XPO6: variants seen among roughly 807,000 people sequenced by gnomAD.
The protein encoded by XPO6 is exportin 6.
In XPO6, 3 loss-of-function variants were observed where a neutral mutation model predicts 130.0. The observed-to-expected ratio is 0.02, with a 90% CI of 0.01 to 0.06. XPO6 has a LOEUF of 0.06. Ranked by LOEUF, XPO6 falls within the 10% of genes least tolerant of loss-of-function variation. The probability of loss-of-function intolerance (pLI) is 1.00; values close to 1 mark genes in which losing one functional copy is unlikely to be tolerated. For missense variants in XPO6, 970 were observed against 1,393.0 expected, an observed-to-expected ratio of 0.70 and a Z score of 4.83; for synonymous variants, 524 against 548.9, an observed-to-expected ratio of 0.95 and a Z score of 0.63.
intron 21 of XPO6, among the ~76,000 whole-genome samples, 159 bp downstream of exon 21, chr16:28,104,387 A>G (rs79182850): frequency 0.016 from 2,362 of 152,318 alleles, 65 homozygotes; most frequent in African/African-American, 0.054. Context: ...TCCACTTTGC[A>G]GATGAAGAAA....
chr16:28,117,408 A>G lies in XPO6; in HGVS notation c.1914T>C (p.Tyr638=), dbSNP rs775991991. The change falls in exon 15 of 24, where the codon TAT becomes TAC. Residue 638 remains tyrosine, a synonymous_variant. Transcript: ENST00000304658. ...TGTTCTGCCGGTGAACTTCACTGCA[A>G]TACTGTGCTAACCAGTGAGAGTAAG... ...LQAYSHWLAQ[Y]CSEVHRQNTQ... 34 of 1,614,130 alleles carry G rather than the reference A, an allele frequency of 2.1e-5. No homozygotes were observed. The highest frequency in any genetic ancestry group is 2.5e-5 in the Non-Finnish European group (29 of 1,180,038).
chr16:28,211,739 G>T lies in XPO6; in HGVS notation c.-371C>A. On this transcript the variant is annotated 5_prime_UTR_variant, in exon 1 of 24. Coordinates refer to ENST00000304658, the MANE Select transcript of XPO6 (RefSeq NM_015171.4). The stretch of plus-strand genomic sequence containing the variant: ...CCCGGCCTCCGCGGGCAGAGGTGGC[G>T]GCGGCCCCGGCCCCGAGGCTGAACG... The T allele has an allele frequency of 5.7e-6, 2 of 351,300 alleles. No individual in the cohort carries two copies. The highest frequency in any genetic ancestry group is 1.0e-5 in the Non-Finnish European group (2 of 195,904). 21.8% of individuals were successfully genotyped at this position (351,300 alleles called of 1,614,324 possible).
chr16:28,193,538 G>A (rs2043815041), intron 1 of XPO6, among the ~76,000 whole-genome samples: 1 of 152,264 alleles, frequency 6.6e-6, no homozygotes, highest in South Asian at 2.1e-4. Context: ...ACTATACACA[G>A]TTCCATCCCT....
chr16:28,133,277 C>T (rs542395585), intron 11 of XPO6, among the ~76,000 whole-genome samples: 2 of 152,066 alleles, frequency 1.3e-5, no homozygotes, highest in African/African-American at 4.8e-5. Flanking sequence ...GTGGAGGTTG[C>T]AGTGAGCCAA....
intron 12 of XPO6, chr16:28,126,839 C>CACTAGGGCACCGTA (rs1183193807): frequency 3.3e-5 from 5 of 152,300 alleles, no homozygotes; most frequent in African/African-American, 9.6e-5. Flanking sequence ...GTGGTAACAC[C>CACTAGGGCACCGTA]ACTAGGGCAC....
chr16:28,190,727 T>C (rs1007424482), intron 1 of XPO6, among the ~76,000 whole-genome samples: 1 of 152,212 alleles, frequency 6.6e-6, no homozygotes, highest in Non-Finnish European at 1.5e-5. Flanking sequence ...AGATGGTAAC[T>C]GTACCATAGT....
chr16:28,121,333 A>G (rs1184560026), intron 14 of XPO6, among the ~76,000 whole-genome samples: 1 of 152,208 alleles, frequency 6.6e-6, no homozygotes, highest in Non-Finnish European at 1.5e-5. Flanking sequence ...GGTGTTTCCC[A>G]TTAGTCCCAA....
intron 17 of XPO6, among the ~76,000 whole-genome samples, chr16:28,108,141 C>T (rs1321886167): frequency 6.6e-6 from 1 of 152,210 alleles, no homozygotes; most frequent in Non-Finnish European, 1.5e-5. Context: ...TGGGATGCTA[C>T]TCCAGCCCAG....
intron 21 of XPO6, among the ~76,000 whole-genome samples, chr16:28,103,062 C>G (rs2086686595): frequency 6.6e-6 from 1 of 152,116 alleles, no homozygotes. Context: ...TGAGGTTTAT[C>G]TTTCTATGAA....
At position 28,104,630 on chromosome 16, in the gene XPO6, G is replaced by A; in HGVS notation, c.2862C>T (p.Phe954=). The A allele has an allele frequency of 1.9e-6, 3 of 1,614,194 alleles. No individual in the cohort carries two copies. The highest frequency in any genetic ancestry group is 2.2e-5 in the South Asian group (2 of 91,086). Reference sequence around the variant, plus strand: ...GGACACTGGCCAGCACGGTGGACTTGAAGAAGTACCTCCAGTTGTGATGGA... The same window carrying A: ...GGACACTGGCCAGCACGGTGGACTTAAAGAAGTACCTCCAGTTGTGATGGA... ...RTLHHNWRYF[F]KSTVLASVQR... Residue 954 remains phenylalanine (F), a synonymous_variant, in exon 21 of 24, where the codon TTC becomes TTT. Transcript: ENST00000304658.
At chr16:28,148,552 C>T (rs2043025514) in intron 8 of XPO6, among the ~76,000 whole-genome samples, 1 of 152,176 alleles carries the variant, frequency 6.6e-6, no homozygotes, top group African/African-American at 2.4e-5. Context: ...ACTAATGATA[C>T]CATTCTATCT....
intron 10 of XPO6, 96 bp from the exon 11 acceptor site, chr16:28,134,029 TG>T: frequency 8.5e-7 from 1 of 1,173,208 alleles, no homozygotes; most frequent in Non-Finnish European, 1.2e-6. Flanking sequence ...TTTGAAGAAA[TG>T]GAAAATGATG....
intron 16 of XPO6, 63 bp from the exon 17 acceptor site, chr16:28,112,069 C>T: frequency 6.5e-6 from 10 of 1,528,244 alleles, no homozygotes; most frequent in Non-Finnish European, 8.8e-6. Context: ...GCGGCATGCC[C>T]AACACAGCCT....
chr16:28,211,340 G>A, intron 1 of XPO6, 26 bp downstream of exon 1: 1 of 1,312,164 alleles, frequency 7.6e-7, no homozygotes, highest in Non-Finnish European at 9.8e-7. Context: ...CACCCCAGGA[G>A]GGAAGGGGGC....
At chr16:28,209,434 A>T (rs1440875487) in intron 1 of XPO6, among the ~76,000 whole-genome samples, 1 of 151,742 alleles carries the variant, frequency 6.6e-6, no homozygotes, top group Non-Finnish European at 1.5e-5. Flanking sequence ...GAGGTCAGGA[A>T]TTCAAGACCA....
chr16:28,205,513 C>T lies in XPO6; in HGVS notation c.3+5853G>A, dbSNP rs72791826. On this transcript the variant is annotated intron_variant, in intron 1 of 23. Transcript: ENST00000304658. ...GGTCAGTACCTATGCAATCTTTGTA[C>T]CAATGCCCCTTTGCACCAACACATT... 5.9e-3 allele frequency among the ~76,000 whole-genome samples: 896 copies of T among 152,238 alleles called. 8 individuals carry two copies. The highest frequency in any genetic ancestry group is 7.9e-3 in the Non-Finnish European group (534 of 68,012).
At position 28,114,598 on chromosome 16, in the gene XPO6, G is replaced by A. The variant is rs186825099; in HGVS notation, c.2005-1548C>T. On this transcript the variant is annotated intron_variant, in intron 15 of 23. Coordinates refer to ENST00000304658, the MANE Select transcript of XPO6 (RefSeq NM_015171.4). ...TAACAATCATCTGAGCCTTCAGAGC[G>A]GTAATCTTTTTGCTGGTGAAGGGTC... Among the ~76,000 whole-genome samples the A allele has an allele frequency of 1.2e-4, 18 of 152,334 alleles. No individual in the cohort carries two copies. The East Asian group carries it at 1.3e-3, about 11-fold the overall frequency.
intron 1 of XPO6, among the ~76,000 whole-genome samples, chr16:28,198,814 G>GT (rs1211296640): frequency 6.6e-6 from 1 of 151,934 alleles, no homozygotes; most frequent in Non-Finnish European, 1.5e-5. Context: ...CAACTCTTCC[G>GT]TAAGTCTTAC....
chr16:28,121,873 A>C lies in XPO6; in HGVS notation c.1767-111T>G, dbSNP rs1326300874. 9 of 673,688 alleles carry C rather than the reference A, an allele frequency of 1.3e-5. No individual in the cohort carries two copies. In the East Asian group the frequency reaches 2.1e-4, roughly 15 times the overall value. 41.7% of individuals were successfully genotyped at this position (673,688 alleles called of 1,614,324 possible). ...CGTAAGGGCAGACTTTTTCATATAC[A>C]AAAAAGAATCAAGACCAGACTTTCA... On this transcript the variant is annotated intron_variant, in intron 13 of 23. Coordinates refer to ENST00000304658, the MANE Select transcript of XPO6 (RefSeq NM_015171.4).
Sources: allele counts gnomAD v4.1 joint callset (sites outside exome capture counted in the v4.1 genomes callset), GRCh38; gene constraint gnomAD v4.1.1; transcripts MANE v1.5; gene names NCBI Gene and HGNC (gene_info 2026-07-23, HGNC 2026-07-21).